Variants in GTF3C1 observed in about 807,000 individuals in gnomAD.
The protein encoded by GTF3C1 is general transcription factor IIIC subunit 1.
Under a neutral mutation model 226.7 loss-of-function variants are expected in GTF3C1, and 57 were observed. The ratio of observed to expected loss-of-function variants is 0.25; its 90% CI spans 0.20 to 0.31. The LOEUF is 0.31. Ranked by LOEUF, GTF3C1 falls within the 10% of genes least tolerant of loss-of-function variation. GTF3C1 has a pLI of 1.00. For synonymous variants in GTF3C1, 1,090 were observed against 1,084.8 expected (o/e 1.00, Z -0.09); for missense variants, 2,217 against 2,776.1 (o/e 0.80, Z 4.53).
intron 34 of GTF3C1, chr16:27,464,054 G>C: frequency 2.2e-6 from 1 of 446,700 alleles, no homozygotes; most frequent in Non-Finnish European, 3.9e-6. Flanking sequence ...AGCCGCTGCA[G>C]TGCACACGCT....
chr16:27,462,093 C>T lies in GTF3C1; in HGVS notation c.6117+201G>A, dbSNP rs2087713882. 3.4e-6 allele frequency: 2 copies of T among 581,454 alleles called. No individual in the cohort carries two copies. The highest frequency in any genetic ancestry group is 6.1e-6 in the Non-Finnish European group (2 of 325,780). 36.0% of individuals were successfully genotyped at this position (581,454 alleles called of 1,614,324 possible). On this transcript the variant is annotated intron_variant, in intron 36 of 36. Coordinates refer to ENST00000356183, the MANE Select transcript of GTF3C1 (RefSeq NM_001520.4). This position sits in a 1 kb window ranked among gnomAD's most constrained non-coding sequence, Gnocchi z 4.5. ...ACAAGCACCCCGGGCACCCCATCTTCCAGCCTGGTCAGCAGCATGGAGCTG... is the reference window on the plus strand; with the variant it reads ...ACAAGCACCCCGGGCACCCCATCTTTCAGCCTGGTCAGCAGCATGGAGCTG...
intron 5 of GTF3C1, 42 bp downstream of exon 5, chr16:27,533,249 C>A (rs773928971): frequency 1.0e-6 from 1 of 973,552 alleles, no homozygotes; most frequent in Non-Finnish European, 1.7e-6. Flanking sequence ...GGCTATGGTA[C>A]AGATCACACC....
At position 27,470,729 on chromosome 16, in the gene GTF3C1, C is replaced by T. The variant is rs916889144; in HGVS notation, c.4527-334G>A. The T allele has an allele frequency of 3.2e-6, 1 of 311,848 alleles. No homozygotes were observed. Among genetic ancestry groups the T allele is most frequent in the Non-Finnish European group, 6.0e-6 (1 of 165,950 alleles). The allele number at this position is 311,848 out of a possible 1,614,324, so 19.3% of individuals were successfully genotyped here. A position where few individuals can be genotyped will look rare whatever the true frequency, so the allele number is the denominator to read the frequency against. On this transcript the variant is annotated intron_variant, in intron 30 of 36. Coordinates refer to ENST00000356183, the MANE Select transcript of GTF3C1 (RefSeq NM_001520.4). This position sits in a 1 kb window ranked among gnomAD's most constrained non-coding sequence, Gnocchi z 4.9. ...CAGCTGCTGAACTAGGGATGGTGAA[C>T]ACGCTTTCTGTAATAATAGTCTCCG...
Position 27,506,111 on chromosome 16 carries a change from A to G in GTF3C1, c.1558T>C (p.Trp520Arg). ...PHHSTPTKGG[W>R]KVVNLHPLKK... is the part of the protein sequence containing the mutation. ...AATGGGTGTAGGTTTACAACTTTCCACCCACCTGTGGTGGAGGGAAGAGAT... is the reference window on the plus strand; with the variant it reads ...AATGGGTGTAGGTTTACAACTTTCCGCCCACCTGTGGTGGAGGGAAGAGAT... Residue 520 changes from tryptophan (W) to arginine (R), a missense_variant, in exon 10 of 37, where the codon TGG (tryptophan) becomes CGG (arginine). By Grantham distance (101) the Trp-to-Arg change is moderately radical. Transcript: ENST00000356183. 3 of 1,598,272 alleles carry G rather than the reference A, an allele frequency of 1.9e-6. No individual in the cohort carries two copies. The highest frequency in any genetic ancestry group is 2.6e-6 in the Non-Finnish European group (3 of 1,165,932).
At chr16:27,502,659 G>A (rs1290891040) in intron 11 of GTF3C1, among the ~76,000 whole-genome samples, 200 bp downstream of exon 11, 1 of 152,026 alleles carries the variant, frequency 6.6e-6, no homozygotes, top group Non-Finnish European at 1.5e-5. Context: ...TCCTTTTGAG[G>A]AGGAGATACT....
At chr16:27,533,772 G>A (rs370025371) in intron 4 of GTF3C1, among the ~76,000 whole-genome samples, 2 of 152,128 alleles carry the variant, frequency 1.3e-5, no homozygotes, top group Non-Finnish European at 1.5e-5. Context: ...TTGGGAGGCC[G>A]AGGCAGGCAG....
At chr16:27,494,421 A>T (rs2088282232) in intron 16 of GTF3C1, among the ~76,000 whole-genome samples, 2 of 151,778 alleles carry the variant, frequency 1.3e-5, no homozygotes, top group Non-Finnish European at 1.5e-5. Context: ...AACAAAAAAA[A>T]AAAACAAAAA....
In GTF3C1 at chr16:27,471,639, G is replaced by A. The variant is rs1162623910; in HGVS notation, c.4526+109C>T. 2.7e-5 allele frequency: 23 copies of A among 844,126 alleles called. No homozygotes were observed. The highest frequency in any genetic ancestry group is 4.0e-5 in the Non-Finnish European group (21 of 519,648). The allele number at this position is 844,126 out of a possible 1,614,324, so 52.3% of individuals were successfully genotyped here. ...GGCATCTTGCACATGAGGCTGCGAA[G>A]GTCCCTGGCTCCTACACGCTTTCAT... On this transcript the variant is annotated intron_variant, in intron 30 of 36. Transcript: ENST00000356183. The surrounding 1 kb of genome is among the most constrained non-coding windows in gnomAD (Gnocchi z 5.0).
intron 10 of GTF3C1, among the ~76,000 whole-genome samples, chr16:27,503,282 G>A (rs2141397273): frequency 6.6e-6 from 1 of 152,322 alleles, no homozygotes; most frequent in Non-Finnish European, 1.5e-5. Context: ...CTGAAAAGGT[G>A]GAAGGCGTTC....
chr16:27,485,382 C>T (rs574917910), intron 24 of GTF3C1, among the ~76,000 whole-genome samples: 54 of 152,324 alleles, frequency 3.5e-4, no homozygotes, highest in East Asian at 1.9e-4. Flanking sequence ...CCAGCCACGC[C>T]GGTGAGCCAA....
In GTF3C1 at chr16:27,470,794, T is replaced by A. The variant is rs2087855879; in HGVS notation, c.4527-399A>T. ...TGGTCTTACACATGTGCCCAAGCTG[T>A]CTCCACGCAGTGCCTGGTGAGTCAC... On this transcript the variant is annotated intron_variant, in intron 30 of 36. Transcript: ENST00000356183. The surrounding 1 kb of genome is among the most constrained non-coding windows in gnomAD (Gnocchi z 4.9). 4.8e-6 allele frequency: 1 copy of A among 207,290 alleles called. No homozygotes were observed. The highest frequency in any genetic ancestry group is 2.3e-5 in the African/African-American group (1 of 43,338). 12.8% of individuals were successfully genotyped at this position (207,290 alleles called of 1,614,324 possible).
intron 21 of GTF3C1, 54 bp from the exon 22 acceptor site, chr16:27,488,689 C>T: frequency 7.0e-7 from 1 of 1,426,918 alleles, no homozygotes. Flanking sequence ...AAATCCCCAG[C>T]CGCCCAGAGT....
chr16:27,472,081 AGT>A lies in GTF3C1; in HGVS notation c.4354-163_4354-162del, dbSNP rs1398908441. On this transcript the variant is annotated intron_variant, in intron 29 of 36. Transcript: ENST00000356183. ...GTGTGTGTCAGTGAGTGTGTGTGTGAGTGTGTGTATCAGGGGGAGGGGTGCTG... is the reference window on the plus strand; with the variant it reads ...GTGTGTGTCAGTGAGTGTGTGTGTGAGTGTGTATCAGGGGGAGGGGTGCTG... Among the ~76,000 whole-genome samples, 16 of 151,840 alleles carry A rather than the reference AGT, an allele frequency of 1.1e-4. 1 individual carries two copies. In the South Asian group the frequency reaches 3.3e-3, roughly 32 times the overall value.
At chr16:27,467,054 T>C (rs997975764) in intron 32 of GTF3C1, among the ~76,000 whole-genome samples, 3 of 152,262 alleles carry the variant, frequency 2.0e-5, no homozygotes, top group Non-Finnish European at 4.4e-5. Context: ...AAGCTCTAGC[T>C]GAGATCAGTA....
In GTF3C1 at chr16:27,489,166, C is replaced by G; in HGVS notation, c.3306G>C (p.Glu1102Asp). 6.2e-7 allele frequency: 1 copy of G among 1,614,164 alleles called. No individual in the cohort carries two copies. The highest frequency in any genetic ancestry group is 8.5e-7 in the Non-Finnish European group (1 of 1,180,018). ...CAGGGATCAAGCCTTCATCCACCAC[C>G]TCACGGCTTCCACTAAAAGACAGGA... ...AMLEYTTGSR[E>D]VVDEGLIPGD... Residue 1102 changes from glutamate (E) to aspartate (D), a missense_variant, in exon 21 of 37, where the codon GAG becomes GAC. By Grantham distance (45) the Glu-to-Asp change is conservative. Around this residue, in one of 12 missense-constraint regions of GTF3C1, gnomAD observed 353 missense variants for 411.7 expected, o/e 0.86. Coordinates refer to ENST00000356183, the MANE Select transcript of GTF3C1 (RefSeq NM_001520.4).
intron 1 of GTF3C1, 22 bp downstream of exon 1, chr16:27,549,648 C>T (rs1159498493): frequency 7.5e-7 from 1 of 1,341,768 alleles, no homozygotes; most frequent in Admixed American, 2.1e-5. Flanking sequence ...CGCCCGCCCG[C>T]CAGGCCAGGC....
At position 27,489,630 on chromosome 16, in the gene GTF3C1, G is replaced by T. The variant is rs1003927795; in HGVS notation, c.3265C>A (p.Arg1089Ser). The T allele has an allele frequency of 6.2e-7, 1 of 1,610,598 alleles. No homozygotes were observed. The highest frequency in any genetic ancestry group is 8.5e-7 in the Non-Finnish European group (1 of 1,179,246). Residue 1089 changes from arginine to serine, a missense_variant, in exon 20 of 37, where the codon CGC becomes AGC. Physicochemically the swap from Arg to Ser is moderately radical, Grantham distance 110. Coordinates refer to ENST00000356183, the MANE Select transcript of GTF3C1 (RefSeq NM_001520.4). ...ESAMDKHNLE[R>S]KCAMLEYTTG... is the part of the protein sequence containing the mutation. ...GTGTACTCCAGCATGGCGCACTTGC[G>T]CTCCAGGTTGTGCTTGTCCATGGCG... is the stretch of plus-strand genomic sequence containing the variant.
intron 21 of GTF3C1, 36 bp downstream of exon 21, chr16:27,489,007 C>A: frequency 6.3e-7 from 1 of 1,599,484 alleles, no homozygotes; most frequent in African/African-American, 1.3e-5. Flanking sequence ...GTAGCGAGGA[C>A]CCCTGAGATT....
In GTF3C1 at chr16:27,461,622, T is replaced by G. The variant is rs2141334854; in HGVS notation, c.6118-60A>C. 11 of 1,302,230 alleles carry G rather than the reference T, an allele frequency of 8.4e-6. No individual in the cohort carries two copies. In the South Asian group the frequency reaches 1.3e-4, roughly 16 times the overall value. The allele number at this position is 1,302,230 out of a possible 1,614,324, so 80.7% of individuals were successfully genotyped here. Reference sequence around the variant, plus strand: ...TGCCCTCGCCTGCTTGTTGATTTATTCTTCAAGCATTTATGGAATGCCCCC... The same window carrying G: ...TGCCCTCGCCTGCTTGTTGATTTATGCTTCAAGCATTTATGGAATGCCCCC... On this transcript the variant is annotated intron_variant, in intron 36 of 36. Coordinates refer to ENST00000356183, the MANE Select transcript of GTF3C1 (RefSeq NM_001520.4). The surrounding 1 kb of genome is among the most constrained non-coding windows in gnomAD (Gnocchi z 5.3).
Sources: gnomAD v4.1 joint callset for allele counts (sites outside exome capture counted in the v4.1 genomes callset) on GRCh38, gnomAD v4.1.1 for gene constraint, gnomAD v4.1.1 regional missense constraint, Gnocchi (gnomAD v3.1) non-coding constraint, MANE v1.5 for transcripts, NCBI Gene and HGNC (gene_info 2026-07-23, HGNC 2026-07-21) for gene names.